PIGU: variants seen among roughly 807,000 people sequenced by gnomAD.
The protein encoded by PIGU is GPI-anchor transamidase component PIGU.
In PIGU, 24 loss-of-function variants were observed where a neutral mutation model predicts 49.9. That is an observed-to-expected ratio of 0.48 (90% CI 0.35 to 0.68). The LOEUF (loss-of-function observed/expected upper bound fraction) is 0.68, where lower values mean the gene tolerates loss of function less well. PIGU is among the 30% of genes least tolerant of loss of function. The pLI, the probability that PIGU is intolerant of heterozygous loss-of-function variation, is 0.01. For synonymous variants in PIGU, 220 were observed against 205.7 expected, an observed-to-expected ratio of 1.07 and a Z score of -0.59; for missense variants, 490 against 532.6, an observed-to-expected ratio of 0.92 and a Z score of 0.79.
chr20:34,676,871 G>T, intron 1 of PIGU, 85 bp downstream of exon 1: 1 of 1,532,960 alleles, frequency 6.5e-7, no homozygotes, highest in Non-Finnish European at 8.8e-7. Context: ...ACCGCGCGCT[G>T]GCGGTCACTG....
intron 6 of PIGU, among the ~76,000 whole-genome samples, chr20:34,633,129 A>G (rs1985843267): frequency 6.6e-6 from 1 of 152,164 alleles, no homozygotes; most frequent in Non-Finnish European, 1.5e-5. Flanking sequence ...AATAACACAC[A>G]CAGTGTTGTA....
intron 11 of PIGU, among the ~76,000 whole-genome samples, chr20:34,563,860 T>C (rs1283550099): frequency 6.6e-6 from 1 of 152,122 alleles, no homozygotes; most frequent in African/African-American, 2.4e-5. Flanking sequence ...AACATCAGCT[T>C]GAAATCACGT....
chr20:34,657,366 G>A, intron 1 of PIGU, 122 bp from the exon 2 acceptor site: 2 of 674,224 alleles, frequency 3.0e-6, no homozygotes, highest in Non-Finnish European at 5.2e-6. Flanking sequence ...CTCATCCCCA[G>A]CAAGTGGCTT....
rs1310477306 is a variant in PIGU, at chr20:34,610,527, T to G, written c.627+5515A>C. On this transcript the variant is annotated intron_variant, in intron 7 of 11. Transcript: ENST00000217446. ...TGTGAAGGACCTCTTCAAGGAGGACTGCAAACCACTGCTCAAGGAAATAAG... is the reference window on the plus strand; with the variant it reads ...TGTGAAGGACCTCTTCAAGGAGGACGGCAAACCACTGCTCAAGGAAATAAG... Among the ~76,000 whole-genome samples the G allele has an allele frequency of 7.9e-5, 12 of 152,174 alleles. 1 individual carries two copies.
At chr20:34,659,055 T>A (rs1376335761) in intron 1 of PIGU, among the ~76,000 whole-genome samples, 4 of 93,148 alleles carry the variant, frequency 4.3e-5, no homozygotes, top group Admixed American at 2.2e-4. Flanking sequence ...CCCGGCCAGC[T>A]GCCCCGTCCG....
chr20:34,568,535 C>T (rs1005164079), intron 11 of PIGU, among the ~76,000 whole-genome samples: 1 of 152,144 alleles, frequency 6.6e-6, no homozygotes, highest in Non-Finnish European at 1.5e-5. Flanking sequence ...AAATGGGTCT[C>T]GAGCCAACCC....
chr20:34,601,187 C>A (rs1356952663), intron 7 of PIGU, among the ~76,000 whole-genome samples: 3 of 152,120 alleles, frequency 2.0e-5, no homozygotes, highest in African/African-American at 7.2e-5. Flanking sequence ...AAAGTGCTCT[C>A]AGTGTTAGAC....
At chr20:34,620,608 G>A (rs910299995) in intron 6 of PIGU, among the ~76,000 whole-genome samples, 3 of 151,802 alleles carry the variant, frequency 2.0e-5, no homozygotes, top group African/African-American at 7.3e-5. Flanking sequence ...TCGGGAGATC[G>A]AGACCATCCT....
At chr20:34,578,687 G>A (rs563568331) in intron 10 of PIGU, among the ~76,000 whole-genome samples, 1 of 152,318 alleles carries the variant, frequency 6.6e-6, no homozygotes, top group South Asian at 2.1e-4. Context: ...TTGGCTTCTG[G>A]CCTGTGGTGA....
chr20:34,600,396 A>AAAGAG (rs376598728), intron 7 of PIGU, among the ~76,000 whole-genome samples: 80 of 152,068 alleles, frequency 5.3e-4, no homozygotes, highest in African/African-American at 1.8e-3. Flanking sequence ...GACAGAGAAA[A>AAAGAG]AAGAGAAGAG....
chr20:34,562,251 G>T (rs1982552372), intron 11 of PIGU, among the ~76,000 whole-genome samples: 1 of 152,188 alleles, frequency 6.6e-6, no homozygotes, highest in Admixed American at 6.5e-5. Context: ...GAGGGGACAG[G>T]GGCTCACACT....
At chr20:34,642,428 G>T (rs1365517450) in intron 4 of PIGU, among the ~76,000 whole-genome samples, 1 of 151,664 alleles carries the variant, frequency 6.6e-6, no homozygotes, top group Non-Finnish European at 1.5e-5. Flanking sequence ...TGCCCAGGCT[G>T]GTCTTAAGCA....
chr20:34,585,361 C>T, intron 9 of PIGU, 76 bp downstream of exon 9: 1 of 1,497,516 alleles, frequency 6.7e-7, no homozygotes, highest in Non-Finnish European at 9.1e-7. Context: ...ATTTGAAGGC[C>T]ACCCTCAAGG....
chr20:34,604,016 G>A (rs928058450), intron 7 of PIGU, among the ~76,000 whole-genome samples: 1 of 152,066 alleles, frequency 6.6e-6, no homozygotes, highest in Non-Finnish European at 1.5e-5. Flanking sequence ...TCCTCAAAAG[G>A]AGCCAGAAAT....
intron 7 of PIGU, among the ~76,000 whole-genome samples, chr20:34,602,684 A>T (rs1358203669): frequency 6.6e-6 from 1 of 152,256 alleles, no homozygotes; most frequent in Non-Finnish European, 1.5e-5. Context: ...TCAATTTTTT[A>T]AACCATTTTA....
At chr20:34,664,421 G>C (rs781603491) in intron 1 of PIGU, among the ~76,000 whole-genome samples, 1 of 152,170 alleles carries the variant, frequency 6.6e-6, no homozygotes, top group South Asian at 2.1e-4. Context: ...ACAGTTGACC[G>C]GGCACAGTGG....
intron 8 of PIGU, among the ~76,000 whole-genome samples, chr20:34,586,814 G>A (rs2146711564): frequency 6.6e-6 from 1 of 152,272 alleles, no homozygotes; most frequent in African/African-American, 2.4e-5. Context: ...TCTTGCACTA[G>A]AGGAACACAT....
intron 7 of PIGU, among the ~76,000 whole-genome samples, chr20:34,615,089 T>G (rs1984957790): frequency 6.6e-6 from 1 of 152,250 alleles, no homozygotes; most frequent in African/African-American, 2.4e-5. Context: ...TCCTGTGACC[T>G]TAAGTGACTT....
At chr20:34,666,899 C>T (rs1341897186) in intron 1 of PIGU, among the ~76,000 whole-genome samples, 1 of 151,904 alleles carries the variant, frequency 6.6e-6, no homozygotes, top group Non-Finnish European at 1.5e-5. Flanking sequence ...GAGGTTTCAC[C>T]GTATTAGCCA....
Sources: gnomAD v4.1 joint callset for allele counts (sites outside exome capture counted in the v4.1 genomes callset) on GRCh38, gnomAD v4.1.1 for gene constraint, MANE v1.5 for transcripts, NCBI Gene and HGNC (gene_info 2026-07-23, HGNC 2026-07-21) for gene names.